The following PTPRD variants were observed in gnomAD, a reference collection of about 807,000 sequenced individuals.
PTPRD encodes the protein protein tyrosine phosphatase receptor type D.
PTPRD carries 34 observed loss-of-function variants against 214.5 expected under a neutral mutation model. The ratio of observed to expected loss-of-function variants is 0.16; its 90% CI spans 0.12 to 0.21. The LOEUF (loss-of-function observed/expected upper bound fraction) is 0.21. Ranked by LOEUF, PTPRD falls within the 10% of genes least tolerant of loss-of-function variation. The pLI is 1.00. For missense variants in PTPRD, 2,545 were observed against 2,398.7 expected (o/e 1.06, Z -1.27); for synonymous variants, 1,128 against 845.7 (o/e 1.33, Z -5.79).
chr9:9,805,302 A>C (rs907556096), intron 5 of PTPRD, among the ~76,000 whole-genome samples: 17 of 152,146 alleles, frequency 1.1e-4, no homozygotes, highest in Admixed American at 9.2e-4. Context: ...AATGTACAAT[A>C]ATGATTTCAT....
chr9:8,633,370 G>C lies in PTPRD; in HGVS notation c.299C>G (p.Ala100Gly). 1 of 1,612,780 alleles carries C rather than the reference G, an allele frequency of 6.2e-7. No homozygotes were observed. The highest frequency in any genetic ancestry group is 8.5e-7 in the Non-Finnish European group (1 of 1,179,100). The stretch of plus-strand genomic sequence containing the variant: ...ACTTATTTCTCCCACATTATTTGAG[G>C]CCACACATTCATAAATGGCCTCATC... ...PRDEAIYECV[A>G]SNNVGEISVS... The change falls in exon 14 of 46, where the codon GCC (alanine) becomes GGC (glycine). Residue 100 changes from alanine to glycine, a missense_variant. Ala to Gly is a moderately conservative substitution (Grantham distance 60). Transcript: ENST00000381196.
At chr9:9,768,779 C>T (rs987809610) in intron 5 of PTPRD, among the ~76,000 whole-genome samples, 8 of 152,136 alleles carry the variant, frequency 5.3e-5, no homozygotes, top group South Asian at 2.1e-4. Flanking sequence ...AAAGGGATTG[C>T]TTAAACCTCT....
At chr9:9,566,374 T>A (rs903567281) in intron 8 of PTPRD, among the ~76,000 whole-genome samples, 1 of 152,010 alleles carries the variant, frequency 6.6e-6, no homozygotes, top group South Asian at 2.1e-4. Context: ...AATTAATTAC[T>A]CAAGAGCACA....
chr9:9,595,299 T>TATATATTATATATATTATATAC, intron 7 of PTPRD, among the ~76,000 whole-genome samples: 1 of 87,950 alleles, frequency 1.1e-5, no homozygotes, highest in East Asian at 2.5e-4. Context: ...TATATATATA[T>TATATATTATATATATTATATAC]ATATATATAT....
chr9:9,650,564 C>G (rs1422166176), intron 7 of PTPRD, among the ~76,000 whole-genome samples: 1 of 151,972 alleles, frequency 6.6e-6, no homozygotes, highest in Non-Finnish European at 1.5e-5. Context: ...CAGGATGATG[C>G]TGGCCTCATT....
chr9:10,023,999 T>G (rs548814741), intron 4 of PTPRD, among the ~76,000 whole-genome samples: 1 of 151,382 alleles, frequency 6.6e-6, no homozygotes, highest in African/African-American at 2.5e-5. Context: ...ATTAAATAGC[T>G]TATTATTTCC....
chr9:8,473,016 C>T (rs1381811993), intron 30 of PTPRD, among the ~76,000 whole-genome samples: 3 of 152,152 alleles, frequency 2.0e-5, no homozygotes, highest in Admixed American at 1.3e-4. Context: ...AAACAGATAC[C>T]AGCTGCTACT....
chr9:8,452,939 T>C (rs910154097), intron 33 of PTPRD, among the ~76,000 whole-genome samples: 7 of 152,220 alleles, frequency 4.6e-5, no homozygotes, highest in Admixed American at 1.3e-4. Flanking sequence ...CATATACTTA[T>C]TAGAAATATC....
intron 7 of PTPRD, among the ~76,000 whole-genome samples, chr9:9,717,244 C>T (rs182407916): frequency 1.3e-5 from 2 of 152,210 alleles, no homozygotes; most frequent in African/African-American, 2.4e-5. Flanking sequence ...TGCTGTTTTG[C>T]TTACTATAGC....
intron 2 of PTPRD, among the ~76,000 whole-genome samples, chr9:10,518,453 T>C (rs1334395897): frequency 6.6e-6 from 1 of 152,216 alleles, no homozygotes; most frequent in Non-Finnish European, 1.5e-5. Context: ...ATAAAGATGT[T>C]TCATTCCATC....
chr9:10,050,170 T>TG (rs1326147508), intron 3 of PTPRD, among the ~76,000 whole-genome samples: 1 of 151,394 alleles, frequency 6.6e-6, no homozygotes, highest in Non-Finnish European at 1.5e-5. Flanking sequence ...AGAATGAGGG[T>TG]GACTAAGAAA....
chr9:8,597,569 T>A (rs1187766225), intron 14 of PTPRD, among the ~76,000 whole-genome samples: 1 of 152,048 alleles, frequency 6.6e-6, no homozygotes, highest in Non-Finnish European at 1.5e-5. Flanking sequence ...GAAGGAAAGA[T>A]CAAATAAAAA....
At chr9:8,973,013 A>AC (rs1418735596) in intron 11 of PTPRD, among the ~76,000 whole-genome samples, 3 of 151,548 alleles carry the variant, frequency 2.0e-5, no homozygotes, top group African/African-American at 7.3e-5. Context: ...CCAGGGAGAA[A>AC]AAAAAAAAAC....
At chr9:8,556,556 T>TTATATTTCTTTTTTTTTTTTTA (rs1564315537) in intron 14 of PTPRD, among the ~76,000 whole-genome samples, 2 of 152,230 alleles carry the variant, frequency 1.3e-5, no homozygotes, top group African/African-American at 4.8e-5. Context: ...CTTGTGTATT[T>TTATATTTCTTTTTTTTTTTTTA]TATATTTCTT....
intron 2 of PTPRD, among the ~76,000 whole-genome samples, chr9:10,567,396 G>A (rs1422750819): frequency 1.3e-5 from 2 of 151,896 alleles, no homozygotes. Context: ...AAAATAATTA[G>A]AATATAAAAC....
chr9:9,099,300 C>G (rs761126389), intron 10 of PTPRD, among the ~76,000 whole-genome samples: 9 of 152,046 alleles, frequency 5.9e-5, no homozygotes, highest in Admixed American at 1.3e-4. Context: ...TCTTATTTGT[C>G]TCATTATCTA....
chr9:8,726,199 T>C (rs2098555397), intron 12 of PTPRD, among the ~76,000 whole-genome samples: 2 of 152,232 alleles, frequency 1.3e-5, no homozygotes, highest in Admixed American at 6.5e-5. Context: ...CTTCACTTCA[T>C]GATAGAGGCT....
intron 3 of PTPRD, among the ~76,000 whole-genome samples, chr9:10,189,432 C>T (rs2099352790): frequency 6.6e-6 from 1 of 152,128 alleles, no homozygotes; most frequent in Non-Finnish European, 1.5e-5. Flanking sequence ...TGTGATAACA[C>T]CACTAAAGGC....
At chr9:9,016,423 T>A (rs1569415034) in intron 11 of PTPRD, among the ~76,000 whole-genome samples, 1 of 152,138 alleles carries the variant, frequency 6.6e-6, no homozygotes, top group South Asian at 2.1e-4. Flanking sequence ...ATGAGAATCA[T>A]CCAAAAATGG....
Sources: gnomAD v4.1 joint callset for allele counts (sites outside exome capture counted in the v4.1 genomes callset) on GRCh38, gnomAD v4.1.1 for gene constraint, MANE v1.5 for transcripts, NCBI Gene and HGNC (gene_info 2026-07-23, HGNC 2026-07-21) for gene names.